The following INPP4A variants were observed in gnomAD, a reference collection of about 807,000 sequenced individuals.
The protein encoded by INPP4A is inositol polyphosphate-4-phosphatase type I A, also known as inositol polyphosphate-4-phosphatase, type I, 107kD.
INPP4A carries 33 observed loss-of-function variants against 119.8 expected under a neutral mutation model. That is an observed-to-expected ratio of 0.28 (90% CI 0.21 to 0.37). INPP4A has a LOEUF of 0.37. INPP4A is among the 10% of genes least tolerant of loss of function. The pLI, the probability that INPP4A is intolerant of heterozygous loss-of-function variation, is 1.00. For missense variants in INPP4A, 956 were observed against 1,289.9 expected (o/e 0.74, Z 3.97); for synonymous variants, 496 against 500.7 (o/e 0.99, Z 0.12).
intron 13 of INPP4A, among the ~76,000 whole-genome samples, chr2:98,549,185 C>A (rs1025555468): frequency 6.6e-6 from 1 of 152,124 alleles, no homozygotes; most frequent in African/African-American, 2.4e-5. Flanking sequence ...TAAAACCTGG[C>A]AGCTGGGTGT....
Position 98,566,164 on chromosome 2 carries a change from C to G in INPP4A, c.2415C>G (p.Ala805=), listed in dbSNP as rs769728754. The G allele has an allele frequency of 1.3e-6, 2 of 1,589,998 alleles. No individual in the cohort carries two copies. The highest frequency in any genetic ancestry group is 1.7e-6 in the Non-Finnish European group (2 of 1,165,524). The change falls in exon 21 of 25, where the codon GCC becomes GCG. Residue 805 remains alanine, a synonymous_variant. Transcript: ENST00000409851. This position sits in a 1 kb window ranked among gnomAD's most constrained non-coding sequence, Gnocchi z 4.2. ...GCATCAATGAGCAGCAGACACTGGC[C>G]GAGAGGTGCGTGCCGGCTCCTCGGG... ...NVGINEQQTL[A]ERFGDTSLQE... is the part of the protein sequence containing the mutation.
intron 1 of INPP4A, among the ~76,000 whole-genome samples, chr2:98,499,683 T>A (rs537528131): frequency 2.0e-5 from 3 of 150,084 alleles, no homozygotes; most frequent in African/African-American, 5.0e-5. Flanking sequence ...TAAACTTAAA[T>A]TTTTTTAGAG....
rs765900553 is a variant in INPP4A, at chr2:98,537,967, A to G, written c.572A>G (p.Asn191Ser). 1.1e-4 allele frequency: 172 copies of G among 1,603,188 alleles called. 2 individuals carry two copies. The South Asian group carries it at 1.7e-3, about 16-fold the overall frequency. Residue 191 changes from asparagine (N) to serine (S), a missense_variant, in exon 8 of 25, where the codon AAT becomes AGT. Asn to Ser is a conservative substitution (Grantham distance 46, BLOSUM62 1). Around this residue, in one of 2 missense-constraint regions of INPP4A, gnomAD observed 652 missense variants for 797.9 expected, o/e 0.82. Coordinates refer to ENST00000409851, the MANE Select transcript of INPP4A (RefSeq NM_001134225.2). Reference protein sequence around the residue: ...PPVTRSVDTVNGRMVLPVDES... With the variant: ...PPVTRSVDTVSGRMVLPVDES... ...GTGACCCGGTCTGTGGACACTGTCAATGGGAGGGTGAGTTACACCACTTTC... is the reference window on the plus strand; with the variant it reads ...GTGACCCGGTCTGTGGACACTGTCAGTGGGAGGGTGAGTTACACCACTTTC...
intron 1 of INPP4A, among the ~76,000 whole-genome samples, chr2:98,497,492 A>G (rs1682240283): frequency 1.3e-5 from 2 of 152,222 alleles, no homozygotes; most frequent in Admixed American, 1.3e-4. Flanking sequence ...ACTCAACGCT[A>G]GCCCATGAAA....
intron 1 of INPP4A, among the ~76,000 whole-genome samples, chr2:98,495,454 G>C (rs1018595416): frequency 1.3e-5 from 2 of 152,214 alleles, no homozygotes; most frequent in African/African-American, 4.8e-5. Flanking sequence ...TAAAATATTT[G>C]AAGAGATTTA....
chr2:98,509,309 TC>T (rs1684683663), intron 1 of INPP4A, among the ~76,000 whole-genome samples: 1 of 152,172 alleles, frequency 6.6e-6, no homozygotes, highest in Non-Finnish European at 1.5e-5. Flanking sequence ...CTGCCTGAGC[TC>T]CACTTCTTGT....
intron 1 of INPP4A, among the ~76,000 whole-genome samples, chr2:98,479,883 C>T (rs1289873453): frequency 6.6e-6 from 1 of 152,196 alleles, no homozygotes; most frequent in East Asian, 1.9e-4. Flanking sequence ...TTGGGCTGTG[C>T]ACTTACCTAA....
At chr2:98,500,201 T>G (rs930447245) in intron 1 of INPP4A, among the ~76,000 whole-genome samples, 1 of 152,074 alleles carries the variant, frequency 6.6e-6, no homozygotes. Context: ...CTTTCTTACT[T>G]GAGATTGCAG....
intron 24 of INPP4A, among the ~76,000 whole-genome samples, chr2:98,583,885 A>G (rs1326746101): frequency 6.6e-6 from 1 of 152,226 alleles, no homozygotes; most frequent in African/African-American, 2.4e-5. Flanking sequence ...GCTAGACTCA[A>G]CACTTTACAT....
At chr2:98,544,654 A>T (rs1309592471) in intron 11 of INPP4A, among the ~76,000 whole-genome samples, 1 of 152,040 alleles carries the variant, frequency 6.6e-6, no homozygotes, top group East Asian at 1.9e-4. Flanking sequence ...TTGGTTTTTC[A>T]TTACTCTATA....
At chr2:98,512,945 T>C (rs1460621999) in intron 1 of INPP4A, among the ~76,000 whole-genome samples, 1 of 152,204 alleles carries the variant, frequency 6.6e-6, no homozygotes, top group African/African-American at 2.4e-5. Flanking sequence ...TGAGGCAGCA[T>C]TTTTTGTTTT....
chr2:98,488,043 T>C (rs1679910276), intron 1 of INPP4A, among the ~76,000 whole-genome samples: 1 of 152,220 alleles, frequency 6.6e-6, no homozygotes, highest in South Asian at 2.1e-4. Flanking sequence ...TCAACTTTTA[T>C]GTAATCCAGT....
At chr2:98,530,563 A>G (rs967951438) in intron 4 of INPP4A, among the ~76,000 whole-genome samples, 4 of 152,244 alleles carry the variant, frequency 2.6e-5, no homozygotes, top group Non-Finnish European at 2.9e-5. Flanking sequence ...CTGAAAGTAA[A>G]TGAAAATATT....
chr2:98,535,153 A>G (rs903568797), intron 5 of INPP4A, among the ~76,000 whole-genome samples: 3 of 152,192 alleles, frequency 2.0e-5, no homozygotes, highest in Admixed American at 6.5e-5. Context: ...TTTGGAGGAC[A>G]TGGCCAGGCT....
chr2:98,448,174 G>C (rs189121372), intron 1 of INPP4A, among the ~76,000 whole-genome samples: 4 of 151,614 alleles, frequency 2.6e-5, no homozygotes, highest in African/African-American at 9.7e-5. Flanking sequence ...TGGCCAACAT[G>C]ATGAAATACT....
In INPP4A at chr2:98,587,617, T is replaced by C; in HGVS notation, c.*9T>C. ...GAAAAGTTGAAACGTGAACACACGG[T>C]TTCCTCTAATTAGCTGTTACATAAT... is the stretch of plus-strand genomic sequence containing the variant. On this transcript the variant is annotated 3_prime_UTR_variant, in exon 25 of 25. Coordinates refer to ENST00000409851, the MANE Select transcript of INPP4A (RefSeq NM_001134225.2). 6.3e-7 allele frequency: 1 copy of C among 1,591,970 alleles called. No homozygotes were observed. Among genetic ancestry groups the C allele is most frequent in the Non-Finnish European group, 8.5e-7 (1 of 1,172,556 alleles).
chr2:98,499,566 T>C (rs375161426), intron 1 of INPP4A, among the ~76,000 whole-genome samples: 1 of 152,226 alleles, frequency 6.6e-6, no homozygotes, highest in Non-Finnish European at 1.5e-5. Flanking sequence ...ACTACTGATA[T>C]GTTTGGAGGC....
chr2:98,544,026 T>A lies in INPP4A; in HGVS notation c.949+19T>A. Reference sequence around the variant, plus strand: ...TACAGAGGTGGGTGCACCCCCATGCTGTCACCACACACGCGTGCGCACACA... The same window carrying A: ...TACAGAGGTGGGTGCACCCCCATGCAGTCACCACACACGCGTGCGCACACA... On this transcript the variant is annotated intron_variant, in intron 11 of 24. Coordinates refer to ENST00000409851, the MANE Select transcript of INPP4A (RefSeq NM_001134225.2). 6.4e-7 allele frequency: 1 copy of A among 1,550,416 alleles called. No homozygotes were observed. Among genetic ancestry groups the A allele is most frequent in the Non-Finnish European group, 8.7e-7 (1 of 1,146,490 alleles).
At chr2:98,499,976 A>T (rs2105361435) in intron 1 of INPP4A, among the ~76,000 whole-genome samples, 1 of 152,328 alleles carries the variant, frequency 6.6e-6, no homozygotes, top group East Asian at 1.9e-4. Flanking sequence ...TGGCGGAGCC[A>T]TATAAGATGT....
Sources: allele counts gnomAD v4.1 joint callset (sites outside exome capture counted in the v4.1 genomes callset), GRCh38; gene constraint gnomAD v4.1.1; regional missense constraint gnomAD v4.1.1; non-coding constraint Gnocchi (gnomAD v3.1); transcripts MANE v1.5; gene names NCBI Gene and HGNC (gene_info 2026-07-23, HGNC 2026-07-21).